Variants in ADGRD1 observed in about 807,000 individuals in gnomAD.
The protein encoded by ADGRD1 is G-protein coupled receptor 133.
Under a neutral mutation model 113.4 loss-of-function variants are expected in ADGRD1, and 77 were observed. The observed-to-expected ratio is 0.68, with a 90% CI of 0.57 to 0.82. The LOEUF (loss-of-function observed/expected upper bound fraction) is 0.82, where lower values mean the gene tolerates loss of function less well. Ranked by LOEUF, ADGRD1 falls within the 40% of genes least tolerant of loss-of-function variation. The probability of loss-of-function intolerance (pLI) is 0.00; values close to 1 mark genes in which losing one functional copy is unlikely to be tolerated. For synonymous variants in ADGRD1, 474 were observed against 475.0 expected (o/e 1.00, Z 0.03); for missense variants, 1,036 against 1,139.1 (o/e 0.91, Z 1.30).
At chr12:130,961,919 C>T (rs568272207) in intron 2 of ADGRD1, among the ~76,000 whole-genome samples, 8 of 152,342 alleles carry the variant, frequency 5.3e-5, no homozygotes, top group Middle Eastern at 6.8e-3. Context: ...ATGCTTCGTT[C>T]GGCATCAGGA....
Position 131,000,369 on chromosome 12 carries a change from T to G in ADGRD1, c.967-14T>G, listed in dbSNP as rs764148530. 1 of 1,611,060 alleles carries G rather than the reference T, an allele frequency of 6.2e-7. No individual in the cohort carries two copies. The highest frequency in any genetic ancestry group is 8.5e-7 in the Non-Finnish European group (1 of 1,177,382). ...AGGACAGGTGCTGAGCAGTGTCATTTTGTCCACCTTTAGACCTTCTTAAAA... is the reference window on the plus strand; with the variant it reads ...AGGACAGGTGCTGAGCAGTGTCATTGTGTCCACCTTTAGACCTTCTTAAAA... On this transcript the variant is annotated splice_polypyrimidine_tract_variant and intron_variant, in intron 8 of 24. Transcript: ENST00000261654.
At chr12:130,995,011 C>T (rs910664757) in intron 8 of ADGRD1, among the ~76,000 whole-genome samples, 1 of 152,212 alleles carries the variant, frequency 6.6e-6, no homozygotes, top group Non-Finnish European at 1.5e-5. Flanking sequence ...CTCTTCATCA[C>T]GGGCTAGAAG....
rs1882128008 is a variant in ADGRD1, at chr12:131,041,520, C to T, written c.1473+27180C>T. 2.0e-5 allele frequency among the ~76,000 whole-genome samples: 3 copies of T among 152,206 alleles called. No homozygotes were observed. The highest frequency in any genetic ancestry group is 4.2e-4 in the South Asian group (2 of 4,796). ...GAGACCGAGACCACTTTGTGACCTCCGCAGGGAGACGGAGACTGTGGTGGC... is the reference window on the plus strand; with the variant it reads ...GAGACCGAGACCACTTTGTGACCTCTGCAGGGAGACGGAGACTGTGGTGGC... On this transcript the variant is annotated intron_variant, in intron 13 of 24. Coordinates refer to ENST00000261654, the MANE Select transcript of ADGRD1 (RefSeq NM_198827.5). This position sits in a 1 kb window ranked among gnomAD's most constrained non-coding sequence, Gnocchi z 4.4.
chr12:130,983,611 C>A (rs1180129932), intron 5 of ADGRD1, among the ~76,000 whole-genome samples: 1 of 152,192 alleles, frequency 6.6e-6, no homozygotes, highest in Non-Finnish European at 1.5e-5. Context: ...ACACTTCTGG[C>A]TGGCAATGTG....
chr12:130,959,098 G>C (rs568211224), intron 2 of ADGRD1, among the ~76,000 whole-genome samples: 2 of 152,226 alleles, frequency 1.3e-5, no homozygotes, highest in Non-Finnish European at 2.9e-5. Flanking sequence ...GGTGCTGGGG[G>C]AGCCTTAAGG....
intron 13 of ADGRD1, among the ~76,000 whole-genome samples, chr12:131,017,563 A>T (rs1878751614): frequency 6.7e-6 from 1 of 150,264 alleles, no homozygotes; most frequent in Non-Finnish European, 1.5e-5. Context: ...CACTCCACAC[A>T]CTCAGTCCAC....
intron 13 of ADGRD1, among the ~76,000 whole-genome samples, chr12:131,067,132 C>T (rs1350684035): frequency 6.6e-6 from 1 of 152,040 alleles, no homozygotes; most frequent in East Asian, 1.9e-4. Context: ...AGTTGAAGGA[C>T]AGAGTGGCCA....
rs557477267 is a variant in ADGRD1, at chr12:131,014,983, G to A, written c.1473+643G>A. 9.2e-5 allele frequency among the ~76,000 whole-genome samples: 14 copies of A among 152,348 alleles called. No individual in the cohort carries two copies. The East Asian group carries it at 2.3e-3, about 25-fold the overall frequency. On this transcript the variant is annotated intron_variant, in intron 13 of 24. Transcript: ENST00000261654. Reference sequence around the variant, plus strand: ...AAAAAACGCGTGCGCTGTTCCCCACGCCAGGTTCATGTCAGGAGGTATGGT... The same window carrying A: ...AAAAAACGCGTGCGCTGTTCCCCACACCAGGTTCATGTCAGGAGGTATGGT...
At chr12:131,128,368 C>T (rs1370148768) in intron 20 of ADGRD1, among the ~76,000 whole-genome samples, 1 of 152,116 alleles carries the variant, frequency 6.6e-6, no homozygotes, top group Non-Finnish European at 1.5e-5. Context: ...CCAGGCATCC[C>T]TCTCATGGGT....
At chr12:131,014,454 C>T (rs938801564) in intron 13 of ADGRD1, 114 bp downstream of exon 13, 16 of 922,490 alleles carry the variant, frequency 1.7e-5, no homozygotes, top group East Asian at 1.1e-4. Context: ...GGTGCCGGCC[C>T]GAACTGGAAT....
At chr12:131,002,580 A>T in intron 9 of ADGRD1, 1 of 1,046,844 alleles carries the variant, frequency 9.6e-7, no homozygotes, top group Non-Finnish European at 1.2e-6. Context: ...TCCCCTGGTG[A>T]TGTGTGTCTG....
Position 131,138,197 on chromosome 12 carries a change from A to G in ADGRD1, c.2497A>G (p.Thr833Ala), listed in dbSNP as rs749166666. ...VWSLTSSSAR[T>A]SNAKPFHSDL... ...GTCGCTCACGAGCAGCTCTGCCCGC[A>G]CCTCCAACGCGAAGCCCTTCCACTC... Residue 833 changes from threonine (T) to alanine (A), a missense_variant, in exon 24 of 25, where the codon ACC becomes GCC. Physicochemically the swap from Thr to Ala is moderately conservative, Grantham distance 58. Coordinates refer to ENST00000261654, the MANE Select transcript of ADGRD1 (RefSeq NM_198827.5). The G allele has an allele frequency of 2.4e-5, 38 of 1,613,250 alleles. No individual in the cohort carries two copies. The African/African-American group carries it at 4.8e-4, about 20-fold the overall frequency.
chr12:131,052,482 T>C (rs1883494181), intron 13 of ADGRD1, among the ~76,000 whole-genome samples: 1 of 152,162 alleles, frequency 6.6e-6, no homozygotes, highest in African/African-American at 2.4e-5. Context: ...TTGCTTCACA[T>C]TCACTGAGGA....
At chr12:131,014,971 G>A (rs552230276) in intron 13 of ADGRD1, among the ~76,000 whole-genome samples, 1 of 152,346 alleles carries the variant, frequency 6.6e-6, no homozygotes, top group East Asian at 1.9e-4. Flanking sequence ...AAACGCGTGC[G>A]CTGTTCCCCA....
intron 6 of ADGRD1, 192 bp downstream of exon 6, chr12:130,987,541 C>A: frequency 1.6e-6 from 1 of 616,400 alleles, no homozygotes; most frequent in Non-Finnish European, 2.8e-6. Flanking sequence ...TAATAATTTA[C>A]TAGAGATGCT....
intron 18 of ADGRD1, among the ~76,000 whole-genome samples, chr12:131,115,341 A>G (rs1360824783): frequency 1.3e-5 from 2 of 152,080 alleles, no homozygotes; most frequent in African/African-American, 4.8e-5. Context: ...TCTGTACACA[A>G]CTCAGTGCCC....
Position 130,966,555 on chromosome 12 carries a change from G to A in ADGRD1, c.187+9G>A, listed in dbSNP as rs374293804. 1.2e-4 allele frequency: 183 copies of A among 1,580,588 alleles called. 1 individual carries two copies. In the African/African-American group the frequency reaches 1.9e-3, roughly 16 times the overall value. ...TCAGGATACAACTGGAGGTAGAGAC[G>A]CGGGTGCTGAGAGCGGCTGTGGGCG... On this transcript the variant is annotated intron_variant, in intron 3 of 24. Transcript: ENST00000261654. This position sits in a 1 kb window ranked among gnomAD's most constrained non-coding sequence, Gnocchi z 4.6.
chr12:131,100,767 G>T (rs912280401), intron 15 of ADGRD1, among the ~76,000 whole-genome samples: 7 of 152,226 alleles, frequency 4.6e-5, no homozygotes, highest in African/African-American at 1.4e-4. Context: ...AGATGTTTTA[G>T]AGAGTTGGCT....
chr12:131,038,264 C>T (rs528393418), intron 13 of ADGRD1, among the ~76,000 whole-genome samples: 3 of 152,390 alleles, frequency 2.0e-5, no homozygotes, highest in Admixed American at 6.5e-5. Flanking sequence ...TCCACATAGC[C>T]CAGTGTCTCC....
Sources: gnomAD v4.1 joint callset for allele counts (sites outside exome capture counted in the v4.1 genomes callset) on GRCh38, gnomAD v4.1.1 for gene constraint, Gnocchi (gnomAD v3.1) non-coding constraint, MANE v1.5 for transcripts, NCBI Gene and HGNC (gene_info 2026-07-23, HGNC 2026-07-21) for gene names.